The following KCNH7 variants were observed in gnomAD, a reference collection of about 807,000 sequenced individuals.
The protein encoded by KCNH7 is voltage-gated inwardly rectifying potassium channel KCNH7.
A neutral mutation model predicts 120.8 loss-of-function variants in KCNH7; 49 were observed. The observed-to-expected ratio is 0.41, with a 90% CI of 0.32 to 0.51. KCNH7 has a LOEUF of 0.51. KCNH7 is among the 20% of genes least tolerant of loss of function. The pLI is 0.38. For missense variants in KCNH7, 1,097 were observed against 1,446.6 expected (o/e 0.76, Z 3.92); for synonymous variants, 547 against 516.1 (o/e 1.06, Z -0.81).
At chr2:162,470,507 C>G (rs895471407) in intron 6 of KCNH7, among the ~76,000 whole-genome samples, 1 of 151,938 alleles carries the variant, frequency 6.6e-6, no homozygotes, top group Non-Finnish European at 1.5e-5. Flanking sequence ...GCCCCTCTGC[C>G]GGGCAGCCAC....
At chr2:162,709,538 T>C (rs1171334782) in intron 2 of KCNH7, among the ~76,000 whole-genome samples, 2 of 152,120 alleles carry the variant, frequency 1.3e-5, no homozygotes, top group Admixed American at 1.3e-4. Context: ...GAGTCTTCTG[T>C]AGCTATTTCT....
intron 2 of KCNH7, among the ~76,000 whole-genome samples, chr2:162,707,234 A>G (rs1040222641): frequency 2.0e-5 from 3 of 152,164 alleles, no homozygotes; most frequent in African/African-American, 7.2e-5. Context: ...GGAATATCTG[A>G]CACTTCTTTA....
intron 12 of KCNH7, among the ~76,000 whole-genome samples, chr2:162,388,264 T>C (rs1241918356): frequency 6.6e-6 from 1 of 151,804 alleles, no homozygotes; most frequent in Non-Finnish European, 1.5e-5. Context: ...ATGAATAAAT[T>C]CTGGAGCTCT....
At chr2:162,471,979 A>C (rs1689554663) in intron 6 of KCNH7, among the ~76,000 whole-genome samples, 2 of 152,088 alleles carry the variant, frequency 1.3e-5, no homozygotes, top group African/African-American at 2.4e-5. Context: ...CAAAAACAAG[A>C]AATGGAGAAA....
intron 2 of KCNH7, among the ~76,000 whole-genome samples, chr2:162,834,720 T>A (rs1559155839): frequency 6.6e-6 from 1 of 152,120 alleles, no homozygotes; most frequent in Non-Finnish European, 1.5e-5. Context: ...TTGAGATCAT[T>A]TTACACACCC....
intron 3 of KCNH7, among the ~76,000 whole-genome samples, chr2:162,518,365 T>A (rs1264803851): frequency 6.6e-6 from 1 of 151,858 alleles, no homozygotes; most frequent in Non-Finnish European, 1.5e-5. Flanking sequence ...CATAATTTTA[T>A]CATATTTCTG....
In KCNH7 at chr2:162,466,891, G is replaced by C. The variant is rs138845885; in HGVS notation, c.1129-20448C>G. The stretch of plus-strand genomic sequence containing the variant: ...TTAAATGTAAAATAGAATAGGAAAT[G>C]ATTAAAAGAGAAAGACTCACTTAAA... On this transcript the variant is annotated intron_variant, in intron 6 of 15. Transcript: ENST00000332142. 1.9e-3 allele frequency among the ~76,000 whole-genome samples: 296 copies of C among 152,280 alleles called. 1 individual carries two copies. Among genetic ancestry groups the C allele is most frequent in the African/African-American group, 6.6e-3 (276 of 41,538 alleles).
chr2:162,740,617 A>T (rs1302394886), intron 2 of KCNH7, among the ~76,000 whole-genome samples: 1 of 152,240 alleles, frequency 6.6e-6, no homozygotes, highest in Non-Finnish European at 1.5e-5. Context: ...ATGTTTCAAT[A>T]GAAATCAAAT....
At chr2:162,596,481 G>C (rs888126693) in intron 2 of KCNH7, among the ~76,000 whole-genome samples, 2 of 152,000 alleles carry the variant, frequency 1.3e-5, no homozygotes, top group Admixed American at 1.3e-4. Flanking sequence ...AGTAAATGTT[G>C]TTGGAAAAAC....
intron 2 of KCNH7, among the ~76,000 whole-genome samples, chr2:162,821,608 T>C (rs1386356689): frequency 6.6e-6 from 1 of 152,248 alleles, no homozygotes. Flanking sequence ...ATATCCAGTT[T>C]GCCTGGAACA....
chr2:162,476,052 C>T (rs1420336714), intron 6 of KCNH7, among the ~76,000 whole-genome samples: 1 of 152,190 alleles, frequency 6.6e-6, no homozygotes, highest in East Asian at 1.9e-4. Flanking sequence ...TGGGGGCACT[C>T]TATGCCTTCA....
intron 2 of KCNH7, among the ~76,000 whole-genome samples, chr2:162,714,677 C>A (rs1183735484): frequency 6.6e-5 from 10 of 152,190 alleles, no homozygotes; most frequent in Admixed American, 5.2e-4. Flanking sequence ...GCTCTTCTTG[C>A]AACTACTCAG....
intron 9 of KCNH7, among the ~76,000 whole-genome samples, chr2:162,419,175 C>A (rs1341880578): frequency 6.6e-6 from 1 of 151,320 alleles, no homozygotes; most frequent in Admixed American, 6.6e-5. Context: ...TTACCTATCC[C>A]CTATCCACCC....
chr2:162,638,642 T>C (rs891597945), intron 2 of KCNH7, among the ~76,000 whole-genome samples: 5 of 152,096 alleles, frequency 3.3e-5, no homozygotes, highest in African/African-American at 9.7e-5. Flanking sequence ...CTATCAGCAA[T>C]ATGTACTAGA....
intron 2 of KCNH7, among the ~76,000 whole-genome samples, chr2:162,812,954 G>T (rs1223546263): frequency 6.6e-6 from 1 of 152,044 alleles, no homozygotes; most frequent in Non-Finnish European, 1.5e-5. Flanking sequence ...TGGAACTTGA[G>T]GATGAAGAAT....
intron 5 of KCNH7, among the ~76,000 whole-genome samples, chr2:162,508,526 T>C (rs1268752125): frequency 6.6e-6 from 1 of 151,562 alleles, no homozygotes; most frequent in African/African-American, 2.4e-5. Flanking sequence ...GATGTTTAAA[T>C]GCAGAAGACT....
chr2:162,693,296 G>A (rs759627621), intron 2 of KCNH7, among the ~76,000 whole-genome samples: 3 of 152,146 alleles, frequency 2.0e-5, no homozygotes, highest in Non-Finnish European at 4.4e-5. Flanking sequence ...CAGCACACAT[G>A]CATCTGTAAT....
chr2:162,817,879 G>T (rs1296697444), intron 2 of KCNH7, among the ~76,000 whole-genome samples: 2 of 151,952 alleles, frequency 1.3e-5, no homozygotes, highest in African/African-American at 4.8e-5. Flanking sequence ...TATTTGGGTT[G>T]TCTTTTCATT....
At chr2:162,650,057 A>G (rs1684512635) in intron 2 of KCNH7, among the ~76,000 whole-genome samples, 1 of 152,156 alleles carries the variant, frequency 6.6e-6, no homozygotes, top group African/African-American at 2.4e-5. Context: ...TTTACATATT[A>G]CATGCTATTT....
Sources: gnomAD v4.1 joint callset for allele counts (sites outside exome capture counted in the v4.1 genomes callset) on GRCh38, gnomAD v4.1.1 for gene constraint, MANE v1.5 for transcripts, NCBI Gene and HGNC (gene_info 2026-07-23, HGNC 2026-07-21) for gene names.